Variants in SEPTIN14 observed in about 807,000 individuals in gnomAD.
SEPTIN14 encodes the protein septin-14.
A neutral mutation model predicts 53.6 loss-of-function variants in SEPTIN14; 40 were observed. The observed-to-expected ratio is 0.75, with a 90% CI of 0.58 to 0.97. The LOEUF (loss-of-function observed/expected upper bound fraction) is 0.97, where lower values mean the gene tolerates loss of function less well. SEPTIN14 is among the 50% of genes least tolerant of loss of function. The probability of loss-of-function intolerance (pLI) is 0.00; values close to 1 mark genes in which losing one functional copy is unlikely to be tolerated. For missense variants in SEPTIN14, 471 were observed against 508.2 expected (o/e 0.93, Z 0.70); for synonymous variants, 138 against 166.8 (o/e 0.83, Z 1.33).
Position 55,819,201 on chromosome 7 carries a change from A to G in SEPTIN14, c.743T>C (p.Val248Ala). ...SVSGLLPFAV[V>A]GSTDEVKVGK... Reference sequence around the variant, plus strand: ...AACTTTCACTTCATCTGTACTCCCTACCACAGCAAAGGGTAACAGCCCCTA... The same window carrying G: ...AACTTTCACTTCATCTGTACTCCCTGCCACAGCAAAGGGTAACAGCCCCTA... The change falls in exon 7 of 10, where the codon GTA becomes GCA. Residue 248 changes from valine (V) to alanine (A), a missense_variant. Val to Ala is a moderately conservative substitution (Grantham distance 64, BLOSUM62 0). Transcript: ENST00000388975. 6.4e-7 allele frequency: 1 copy of G among 1,573,072 alleles called. No individual in the cohort carries two copies. The highest frequency in any genetic ancestry group is 8.6e-7 in the Non-Finnish European group (1 of 1,157,924).
chr7:55,855,260 G>A (rs1028991192), intron 2 of SEPTIN14, among the ~76,000 whole-genome samples: 11 of 152,082 alleles, frequency 7.2e-5, no homozygotes, highest in African/African-American at 2.4e-5. Flanking sequence ...CACCCGCTTC[G>A]GCCTCCCAAA....
intron 9 of SEPTIN14, among the ~76,000 whole-genome samples, chr7:55,804,622 T>G (rs1562705694): frequency 6.6e-6 from 1 of 152,156 alleles, no homozygotes; most frequent in Non-Finnish European, 1.5e-5. Flanking sequence ...AGCACCTAAT[T>G]ACTACTATTC....
Position 55,833,314 on chromosome 7 carries a change from CA to C in SEPTIN14, c.720+1110del, listed in dbSNP as rs1294399045. 1.1e-3 allele frequency among the ~76,000 whole-genome samples: 151 copies of C among 142,908 alleles called. 2 individuals are homozygous for C. Among genetic ancestry groups the C allele is most frequent in the African/African-American group, 3.3e-3 (127 of 39,004 alleles). 93.8% of individuals were successfully genotyped at this position (142,908 alleles called of 152,430 possible). A position where few individuals can be genotyped will look rare whatever the true frequency, so the allele number is the denominator to read the frequency against. Reference sequence around the variant, plus strand: ...TGGGCAACAGAGAGAGACTCCGTCTCAAAAAAAAAAGATCTCAAATAAACAA... The same window carrying C: ...TGGGCAACAGAGAGAGACTCCGTCTCAAAAAAAAAGATCTCAAATAAACAA... On this transcript the variant is annotated intron_variant, in intron 6 of 9. Transcript: ENST00000388975.
At chr7:55,811,862 C>T (rs1274191137) in intron 7 of SEPTIN14, among the ~76,000 whole-genome samples, 5 of 151,324 alleles carry the variant, frequency 3.3e-5, no homozygotes, top group South Asian at 2.1e-4. Context: ...GGTGCAATCT[C>T]GGCTCACTGC....
At chr7:55,832,629 T>C (rs960466407) in intron 6 of SEPTIN14, among the ~76,000 whole-genome samples, 1 of 152,178 alleles carries the variant, frequency 6.6e-6, no homozygotes, top group Non-Finnish European at 1.5e-5. Context: ...GCCATTATCC[T>C]AAGTGAAATA....
Position 55,793,806 on chromosome 7 carries a change from C to T in SEPTIN14, c.*2107G>A, listed in dbSNP as rs1166440765. 1.3e-5 allele frequency: 2 copies of T among 151,710 alleles called. No homozygotes were observed. Among genetic ancestry groups the T allele is most frequent in the Non-Finnish European group, 2.9e-5 (2 of 67,914 alleles). The allele number at this position is 151,710 out of a possible 1,614,324, so 9.4% of individuals were successfully genotyped here. On this transcript the variant is annotated 3_prime_UTR_variant, in exon 10 of 10. Transcript: ENST00000388975. ...AAAAACGAAATCTACATAGAATATA[C>T]ACAAAAGGAAATGAGAATAGAAACA...
intron 5 of SEPTIN14, 140 bp from the exon 6 acceptor site, chr7:55,834,726 T>TCCG (rs1425850208): frequency 1.7e-6 from 1 of 578,366 alleles, no homozygotes; most frequent in African/African-American, 1.9e-5. Flanking sequence ...CACTGCAAGC[T>TCCG]CCGCCTCCTG....
At position 55,848,231 on chromosome 7, in the gene SEPTIN14, G is replaced by A. The variant is rs184281789; in HGVS notation, c.55-1594C>T. 2.8e-3 allele frequency among the ~76,000 whole-genome samples: 423 copies of A among 152,180 alleles called. 5 individuals carry two copies. The highest frequency in any genetic ancestry group is 0.01 in the Middle Eastern group (3 of 292). ...AGAGGTTGCAGTAAGCTGAGATCTC[G>A]ACTCACTGCAACCTCCATCACCCGG... On this transcript the variant is annotated intron_variant, in intron 2 of 9. Transcript: ENST00000388975.
chr7:55,845,973 T>C lies in SEPTIN14; in HGVS notation c.175+544A>G, dbSNP rs575275188. ...CTGAGGCAGGAGAATGGCATGAACCTGGGAGGCGGAGCTTGCAGTGAACCG... is the reference window on the plus strand; with the variant it reads ...CTGAGGCAGGAGAATGGCATGAACCCGGGAGGCGGAGCTTGCAGTGAACCG... On this transcript the variant is annotated intron_variant, in intron 3 of 9. Transcript: ENST00000388975. Among the ~76,000 whole-genome samples, 404 of 145,704 alleles carry C rather than the reference T, an allele frequency of 2.8e-3. 5 individuals carry two copies. Among genetic ancestry groups the C allele is most frequent in the Middle Eastern group, 0.011 (3 of 280 alleles).
At chr7:55,828,505 C>T (rs1458650638) in intron 6 of SEPTIN14, among the ~76,000 whole-genome samples, 5 of 151,992 alleles carry the variant, frequency 3.3e-5, no homozygotes, top group African/African-American at 9.7e-5. Context: ...GGGGTTTCAC[C>T]GTGTTAGCCA....
At chr7:55,800,152 A>G (rs1320301362) in intron 9 of SEPTIN14, among the ~76,000 whole-genome samples, 1 of 152,182 alleles carries the variant, frequency 6.6e-6, no homozygotes, top group Non-Finnish European at 1.5e-5. Context: ...AGATGAGTGG[A>G]TGAAAAAAAA....
chr7:55,832,383 T>C (rs1789125336), intron 6 of SEPTIN14, among the ~76,000 whole-genome samples: 1 of 152,146 alleles, frequency 6.6e-6, no homozygotes. Flanking sequence ...GAGCTACCAT[T>C]TGGCCCAGTG....
intron 7 of SEPTIN14, among the ~76,000 whole-genome samples, chr7:55,815,667 A>C (rs912045885): frequency 1.3e-5 from 2 of 152,212 alleles, no homozygotes; most frequent in Non-Finnish European, 2.9e-5. Context: ...ACCCCAGTTA[A>C]AAAAGCTTTT....
intron 6 of SEPTIN14, among the ~76,000 whole-genome samples, chr7:55,830,349 A>ATATTTTTTTTTTTTTTTTTTT (rs71015108): frequency 7.0e-5 from 4 of 56,846 alleles, no homozygotes; most frequent in African/African-American, 3.0e-4. Flanking sequence ...ATATATATAT[A>ATATTTTTTTTTTTTTTTTTTT]TTTTTTTTTT....
intron 5 of SEPTIN14, among the ~76,000 whole-genome samples, chr7:55,841,932 G>A (rs1224595237): frequency 1.3e-5 from 2 of 152,072 alleles, no homozygotes; most frequent in Non-Finnish European, 2.9e-5. Flanking sequence ...CTACTTGGGA[G>A]GCTGAGGCCA....
chr7:55,846,784 A>T (rs1226437362), intron 2 of SEPTIN14, 147 bp from the exon 3 acceptor site: 1 of 550,352 alleles, frequency 1.8e-6, no homozygotes, highest in Admixed American at 3.6e-5. Flanking sequence ...TATTAAGTAA[A>T]TTTGTGAAAA....
At chr7:55,819,066 T>C in intron 7 of SEPTIN14, 61 bp downstream of exon 7, 1 of 918,056 alleles carries the variant, frequency 1.1e-6, no homozygotes, top group South Asian at 1.4e-5. Context: ...ATTTTGAGAC[T>C]ATGAGTGATA....
chr7:55,840,616 C>G (rs971316382), intron 5 of SEPTIN14, among the ~76,000 whole-genome samples: 19 of 152,210 alleles, frequency 1.2e-4, no homozygotes, highest in African/African-American at 4.3e-4. Flanking sequence ...TCTTCTGACA[C>G]CTTGATCTTG....
chr7:55,846,072 TATATATATATATATATATATGTATAC>T (rs1789400742), intron 3 of SEPTIN14, among the ~76,000 whole-genome samples: 1 of 104,216 alleles, frequency 9.6e-6, no homozygotes, highest in Non-Finnish European at 2.1e-5. Context: ...AAAGTATATA[TATATATATATATATATATATGTATAC>T]ATGCTAGCCC....
Sources: allele counts gnomAD v4.1 joint callset (sites outside exome capture counted in the v4.1 genomes callset), GRCh38; gene constraint gnomAD v4.1.1; transcripts MANE v1.5; gene names NCBI Gene and HGNC (gene_info 2026-07-23, HGNC 2026-07-21).